Variants in THSD7B observed in about 807,000 individuals in gnomAD.
The protein encoded by THSD7B is thrombospondin type-1 domain-containing protein 7B.
A neutral mutation model predicts 213.6 loss-of-function variants in THSD7B; 138 were observed. The ratio of observed to expected loss-of-function variants is 0.65; its 90% CI spans 0.56 to 0.74. The LOEUF is 0.74. Ranked by LOEUF, THSD7B falls within the 30% of genes least tolerant of loss-of-function variation. THSD7B has a pLI of 0.00. For missense variants in THSD7B, 1,931 were observed against 1,991.5 expected, an observed-to-expected ratio of 0.97 and a Z score of 0.58; for synonymous variants, 742 against 687.0, an observed-to-expected ratio of 1.08 and a Z score of -1.25.
intron 1 of THSD7B, among the ~76,000 whole-genome samples, chr2:136,822,503 A>C (rs889196695): frequency 6.6e-6 from 1 of 152,202 alleles, no homozygotes; most frequent in African/African-American, 2.4e-5. Flanking sequence ...TTAGATTAAC[A>C]GAGCAAACTT....
rs753326686 is a variant in THSD7B, at chr2:137,242,548, C to T, written c.2242C>T (p.Pro748Ser). 1.2e-6 allele frequency: 2 copies of T among 1,613,538 alleles called. No homozygotes were observed. The highest frequency in any genetic ancestry group is 1.7e-6 in the Non-Finnish European group (2 of 1,179,644). Reference protein sequence around the residue: ...CIVTAFSEWTPCPRMCQAGNA... With the variant: ...CIVTAFSEWTSCPRMCQAGNA... ...TGTGACTGCTTTCAGTGAGTGGACA[C>T]CCTGCCCAAGGATGTGCCAAGCAGG... Residue 748 changes from proline to serine, a missense_variant, in exon 10 of 28, where the codon CCC (proline) becomes TCC (serine). Physicochemically the swap from Pro to Ser is moderately conservative, Grantham distance 74. Coordinates refer to ENST00000409968, the MANE Select transcript of THSD7B (RefSeq NM_001316349.2).
chr2:137,563,601 C>A (rs989077113), intron 16 of THSD7B, among the ~76,000 whole-genome samples: 18 of 152,272 alleles, frequency 1.2e-4, no homozygotes, highest in African/African-American at 4.3e-4. Flanking sequence ...GCGAGAACCA[C>A]CTGCAATGGA....
chr2:137,276,674 G>A (rs1379309396), intron 12 of THSD7B, among the ~76,000 whole-genome samples: 1 of 152,046 alleles, frequency 6.6e-6, no homozygotes, highest in East Asian at 1.9e-4. Context: ...CATAATCCAG[G>A]TGCCAGTTGT....
At chr2:137,348,700 C>T (rs894460340) in intron 12 of THSD7B, among the ~76,000 whole-genome samples, 1 of 138,822 alleles carries the variant, frequency 7.2e-6, no homozygotes, top group Non-Finnish European at 1.6e-5. Flanking sequence ...TCTCTATGAA[C>T]TCCTTTTTTT....
chr2:137,481,118 C>A (rs1688297382), intron 15 of THSD7B, among the ~76,000 whole-genome samples: 1 of 152,186 alleles, frequency 6.6e-6, no homozygotes, highest in Admixed American at 6.5e-5. Context: ...CCAGACCTAC[C>A]AGTACCTTGA....
At chr2:136,882,571 C>T (rs541756561) in intron 2 of THSD7B, among the ~76,000 whole-genome samples, 14 of 152,316 alleles carry the variant, frequency 9.2e-5, no homozygotes, top group African/African-American at 3.4e-4. Context: ...GTTACATCTA[C>T]TTCTCCTTTG....
intron 12 of THSD7B, among the ~76,000 whole-genome samples, chr2:137,399,402 A>G (rs1686298647): frequency 6.6e-6 from 1 of 151,990 alleles, no homozygotes; most frequent in Non-Finnish European, 1.5e-5. Context: ...CATGTTGGCC[A>G]AGCTGGTCTC....
intron 12 of THSD7B, among the ~76,000 whole-genome samples, chr2:137,326,989 T>C (rs1265013801): frequency 6.6e-6 from 1 of 152,230 alleles, no homozygotes; most frequent in Non-Finnish European, 1.5e-5. Context: ...GCTGGAATAC[T>C]TAAGCTTGTT....
intron 3 of THSD7B, among the ~76,000 whole-genome samples, chr2:137,094,406 A>G (rs961453674): frequency 2.0e-5 from 3 of 152,170 alleles, no homozygotes; most frequent in African/African-American, 7.2e-5. Context: ...CCCTGTCTCT[A>G]CTGAAAATAC....
intron 7 of THSD7B, among the ~76,000 whole-genome samples, chr2:137,200,253 G>A (rs1380269632): frequency 1.3e-5 from 2 of 152,012 alleles, no homozygotes; most frequent in Non-Finnish European, 2.9e-5. Context: ...CTCAATTTGA[G>A]TATGATATGG....
chr2:136,827,146 G>C (rs1474588431), intron 1 of THSD7B, among the ~76,000 whole-genome samples: 1 of 152,160 alleles, frequency 6.6e-6, no homozygotes, highest in African/African-American at 2.4e-5. Context: ...GAAAATTATT[G>C]GTTTCTCTGG....
At chr2:137,626,389 C>A (rs533503116) in intron 20 of THSD7B, among the ~76,000 whole-genome samples, 1 of 149,892 alleles carries the variant, frequency 6.7e-6, no homozygotes, top group Non-Finnish European at 1.5e-5. Context: ...GCGTGAACCC[C>A]GGAGGCGGAG....
chr2:136,802,133 A>G (rs1287028998), intron 1 of THSD7B, among the ~76,000 whole-genome samples: 6 of 152,080 alleles, frequency 3.9e-5, no homozygotes, highest in Non-Finnish European at 5.9e-5. Flanking sequence ...GGACAGAATA[A>G]GAAATAGCTG....
In THSD7B at chr2:137,546,463, A is replaced by AT. The variant is rs1553459017; in HGVS notation, c.3139-16758_3139-16757insT. Among the ~76,000 whole-genome samples, 109 of 20,720 alleles carry AT rather than the reference A, an allele frequency of 5.3e-3. 4 individuals are homozygous for AT. The highest frequency in any genetic ancestry group is 0.012 in the African/African-American group (27 of 2,268). The allele number at this position is 20,720 out of a possible 152,430, so 13.6% of individuals were successfully genotyped here. ...TATATATTATATATATATTATATATAATATATATATATATAATATATATAT... is the reference window on the plus strand; with the variant it reads ...TATATATTATATATATATTATATATATATATATATATATATAATATATATAT... On this transcript the variant is annotated intron_variant, in intron 15 of 27. Coordinates refer to ENST00000409968, the MANE Select transcript of THSD7B (RefSeq NM_001316349.2).
intron 12 of THSD7B, among the ~76,000 whole-genome samples, chr2:137,317,939 G>A (rs1274042671): frequency 6.6e-6 from 1 of 151,934 alleles, no homozygotes; most frequent in Non-Finnish European, 1.5e-5. Context: ...TGGGGGAGGG[G>A]GGAAGAAAAA....
At chr2:136,768,127 G>T (rs972139732) in intron 1 of THSD7B, among the ~76,000 whole-genome samples, 3 of 152,202 alleles carry the variant, frequency 2.0e-5, no homozygotes, top group Non-Finnish European at 4.4e-5. Flanking sequence ...GGGAAGGAAT[G>T]AAAGGAAAAT....
At chr2:137,308,367 G>C (rs550631889) in intron 12 of THSD7B, among the ~76,000 whole-genome samples, 1 of 152,222 alleles carries the variant, frequency 6.6e-6, no homozygotes, top group South Asian at 2.1e-4. Context: ...CATCTATTAG[G>C]AGAAGATCTG....
At chr2:137,243,967 G>T (rs76960269) in intron 10 of THSD7B, among the ~76,000 whole-genome samples, 3 of 152,160 alleles carry the variant, frequency 2.0e-5, no homozygotes, top group Non-Finnish European at 2.9e-5. Flanking sequence ...GGATGGAAAC[G>T]ACAATCTCTT....
At chr2:137,115,632 A>AT (rs1435107125) in intron 5 of THSD7B, among the ~76,000 whole-genome samples, 7 of 151,950 alleles carry the variant, frequency 4.6e-5, no homozygotes, top group African/African-American at 7.3e-5. Context: ...TTGTTTTTTA[A>AT]TTTTTTGCTC....
Sources: allele counts gnomAD v4.1 joint callset (sites outside exome capture counted in the v4.1 genomes callset), GRCh38; gene constraint gnomAD v4.1.1; transcripts MANE v1.5; gene names NCBI Gene and HGNC (gene_info 2026-07-23, HGNC 2026-07-21).